SAMD12: variants seen among roughly 807,000 people sequenced by gnomAD.
The protein encoded by SAMD12 is sterile alpha motif domain containing 12.
A neutral mutation model predicts 15.0 loss-of-function variants in SAMD12; 9 were observed. The observed-to-expected ratio is 0.60, with a 90% confidence interval of 0.36 to 1.05. The LOEUF is 1.05. Ranked by LOEUF, SAMD12 falls within the 50% of genes least tolerant of loss-of-function variation. SAMD12 has a pLI of 0.01. For synonymous variants in SAMD12, 86 were observed against 90.1 expected (o/e 0.96, Z 0.25); for missense variants, 230 against 234.2 (o/e 0.98, Z 0.12).
chr8:118,599,418 G>A (rs185845688), intron 1 of SAMD12, among the ~76,000 whole-genome samples: 30 of 152,272 alleles, frequency 2.0e-4, no homozygotes, highest in Non-Finnish European at 3.7e-4. Flanking sequence ...TGACAACCAT[G>A]TGCACATGAG....
chr8:118,490,052 A>G (rs993728969), intron 2 of SAMD12, among the ~76,000 whole-genome samples: 1 of 152,164 alleles, frequency 6.6e-6, no homozygotes, highest in African/African-American at 2.4e-5. Context: ...GGCAGATAGG[A>G]AAGGTCTTTA....
intron 2 of SAMD12, among the ~76,000 whole-genome samples, chr8:118,488,262 G>A (rs1489215996): frequency 6.6e-6 from 1 of 151,786 alleles, no homozygotes; most frequent in Non-Finnish European, 1.5e-5. Context: ...ATCATCTGAA[G>A]GGCTCAAAGA....
intron 3 of SAMD12, among the ~76,000 whole-genome samples, chr8:118,413,537 C>T (rs1425940275): frequency 6.6e-6 from 1 of 152,156 alleles, no homozygotes; most frequent in Non-Finnish European, 1.5e-5. Flanking sequence ...CCACAATGGT[C>T]TTATCTCTGG....
intron 4 of SAMD12, among the ~76,000 whole-genome samples, chr8:118,358,818 T>TA (rs1360033628): frequency 2.6e-5 from 4 of 152,170 alleles, no homozygotes; most frequent in African/African-American, 7.2e-5. Context: ...TTCAGAGTAG[T>TA]ATATGGATAC....
the SAMD12 span, among the ~76,000 whole-genome samples, chr8:118,151,119 A>T: frequency 6.6e-6 from 1 of 151,980 alleles, no homozygotes; most frequent in African/African-American, 2.4e-5. Flanking sequence ...TTTCTAGCTC[A>T]CATTATTTCT....
intron 3 of SAMD12, among the ~76,000 whole-genome samples, chr8:118,385,408 G>A (rs1586642745): frequency 6.6e-6 from 1 of 152,216 alleles, no homozygotes; most frequent in East Asian, 1.9e-4. Flanking sequence ...CCAGCCTTTG[G>A]ACTCAAACTA....
intron 3 of SAMD12, among the ~76,000 whole-genome samples, chr8:118,432,265 C>T (rs1298207695): frequency 6.6e-6 from 1 of 151,466 alleles, no homozygotes; most frequent in Non-Finnish European, 1.5e-5. Context: ...TACTTTGTCT[C>T]TTCAGTTTGT....
At chr8:118,564,324 C>G (rs552214002) in intron 2 of SAMD12, among the ~76,000 whole-genome samples, 1 of 151,996 alleles carries the variant, frequency 6.6e-6, no homozygotes, top group Non-Finnish European at 1.5e-5. Flanking sequence ...CCCAGCAATA[C>G]ATGGTAGAGG....
chr8:118,531,933 T>C (rs1327543706), intron 2 of SAMD12, among the ~76,000 whole-genome samples: 1 of 152,228 alleles, frequency 6.6e-6, no homozygotes, highest in East Asian at 1.9e-4. Context: ...TTCTCCTGCC[T>C]GATTGCCCTG....
intron 4 of SAMD12, among the ~76,000 whole-genome samples, chr8:118,239,431 T>C (rs1812517375): frequency 6.6e-6 from 1 of 152,106 alleles, no homozygotes; most frequent in African/African-American, 2.4e-5. Flanking sequence ...ATAACAAAAC[T>C]ACCAAGACTC....
intron 2 of SAMD12, among the ~76,000 whole-genome samples, chr8:118,525,086 A>C (rs987406097): frequency 1.3e-5 from 2 of 152,158 alleles, no homozygotes; most frequent in Non-Finnish European, 2.9e-5. Context: ...CAGTTCTCTG[A>C]TCTTGTCTCC....
At chr8:118,334,138 CT>C (rs767368472) in intron 4 of SAMD12, among the ~76,000 whole-genome samples, 26 of 152,264 alleles carry the variant, frequency 1.7e-4, no homozygotes, top group Non-Finnish European at 3.5e-4. Context: ...GCTATTAATA[CT>C]TATGTCATTG....
chr8:118,194,662 G>T (rs535170749), exon 5 of SAMD12: 13 of 152,300 alleles, frequency 8.5e-5, no homozygotes, highest in African/African-American at 2.4e-4. Flanking sequence ...ATAAAAATAT[G>T]TATCCTTTAC....
At chr8:118,512,123 T>C (rs1825107607) in intron 2 of SAMD12, among the ~76,000 whole-genome samples, 1 of 152,192 alleles carries the variant, frequency 6.6e-6, no homozygotes, top group African/African-American at 2.4e-5. Context: ...GGAGCACCTA[T>C]CTAATACTCC....
At chr8:118,490,205 T>G (rs1163082660) in intron 2 of SAMD12, among the ~76,000 whole-genome samples, 2 of 152,156 alleles carry the variant, frequency 1.3e-5, no homozygotes, top group African/African-American at 4.8e-5. Flanking sequence ...CTATTTAAGA[T>G]GCTAATCAAT....
chr8:118,274,071 T>C (rs544856793), intron 4 of SAMD12, among the ~76,000 whole-genome samples: 1 of 152,316 alleles, frequency 6.6e-6, no homozygotes, highest in South Asian at 2.1e-4. Flanking sequence ...TTTTTACTCC[T>C]GTAGTATGAG....
At chr8:118,271,803 C>T (rs1813361001) in intron 4 of SAMD12, among the ~76,000 whole-genome samples, 2 of 152,218 alleles carry the variant, frequency 1.3e-5, no homozygotes, top group Non-Finnish European at 2.9e-5. Context: ...GTCTTATATA[C>T]AGCTCCCACT....
At chr8:118,407,590 CTTTA>C (rs1312270663) in intron 3 of SAMD12, among the ~76,000 whole-genome samples, 1 of 152,090 alleles carries the variant, frequency 6.6e-6, no homozygotes, top group African/African-American at 2.4e-5. Context: ...ATGCCTCAGC[CTTTA>C]TTTATTTATT....
intron 4 of SAMD12, among the ~76,000 whole-genome samples, chr8:118,222,025 GC>G (rs745824159): frequency 6.9e-4 from 105 of 152,156 alleles, no homozygotes; most frequent in Non-Finnish European, 1.2e-3. Context: ...GGTAATGAAG[GC>G]CCGAATCATG....
Sources: allele counts gnomAD v4.1 joint callset (sites outside exome capture counted in the v4.1 genomes callset), GRCh38; gene constraint gnomAD v4.1.1; transcripts MANE v1.5; gene names NCBI Gene and HGNC (gene_info 2026-07-23, HGNC 2026-07-21).